The following CHCHD6 variants were observed in gnomAD, a reference collection of about 807,000 sequenced individuals.
CHCHD6 encodes the protein coiled-coil-helix-coiled-coil-helix domain containing 6, also known as MICOS complex subunit MIC25.
In CHCHD6, 28 loss-of-function variants were observed where a neutral mutation model predicts 32.3. The ratio of observed to expected loss-of-function variants is 0.87; its 90% CI spans 0.64 to 1.19. The LOEUF is 1.19. Ranked by LOEUF, CHCHD6 falls within the 50% of genes most tolerant of loss-of-function variation. The pLI, the probability that CHCHD6 is intolerant of heterozygous loss-of-function variation, is 0.00. For synonymous variants in CHCHD6, 122 were observed against 117.5 expected (o/e 1.04, Z -0.25); for missense variants, 333 against 307.0 (o/e 1.08, Z -0.63).
At chr3:126,871,440 A>T (rs996455401) in intron 5 of CHCHD6, among the ~76,000 whole-genome samples, 9 of 152,020 alleles carry the variant, frequency 5.9e-5, no homozygotes, top group African/African-American at 1.9e-4. Context: ...CCACAGCCCC[A>T]CTGAGGCCCT....
chr3:126,810,532 G>T (rs2107531119), intron 4 of CHCHD6, among the ~76,000 whole-genome samples: 1 of 152,292 alleles, frequency 6.6e-6, no homozygotes, highest in Non-Finnish European at 1.5e-5. Context: ...AAAAACTAAT[G>T]AGATCAAAAT....
At chr3:126,941,751 C>T (rs1415592237) in intron 6 of CHCHD6, among the ~76,000 whole-genome samples, 1 of 152,210 alleles carries the variant, frequency 6.6e-6, no homozygotes, top group African/African-American at 2.4e-5. Flanking sequence ...CACCTTTTCT[C>T]TCTAGATGAA....
At chr3:126,753,547 A>G (rs188007536) in intron 4 of CHCHD6, among the ~76,000 whole-genome samples, 6 of 152,348 alleles carry the variant, frequency 3.9e-5, no homozygotes, top group Non-Finnish European at 2.9e-5. Context: ...AAGTGGCATC[A>G]GCAGAGAGTT....
At chr3:126,903,949 G>A (rs1163519814) in intron 5 of CHCHD6, among the ~76,000 whole-genome samples, 1 of 152,176 alleles carries the variant, frequency 6.6e-6, no homozygotes, top group Non-Finnish European at 1.5e-5. Context: ...CAGGCCCTGG[G>A]TCTAGGTAGG....
intron 6 of CHCHD6, among the ~76,000 whole-genome samples, chr3:126,923,729 G>C (rs1044648672): frequency 6.6e-6 from 1 of 152,226 alleles, no homozygotes; most frequent in Non-Finnish European, 1.5e-5. Flanking sequence ...ACTTCTAAAG[G>C]TTGTTTTGAG....
intron 5 of CHCHD6, among the ~76,000 whole-genome samples, chr3:126,858,974 A>T (rs1430608853): frequency 6.6e-6 from 1 of 152,186 alleles, no homozygotes; most frequent in Non-Finnish European, 1.5e-5. Flanking sequence ...AGCCCTGTGC[A>T]TATTCTAGCA....
At chr3:126,868,488 G>A (rs1265496613) in intron 5 of CHCHD6, among the ~76,000 whole-genome samples, 1 of 151,722 alleles carries the variant, frequency 6.6e-6, no homozygotes, top group African/African-American at 2.4e-5. Context: ...AGTAACACAT[G>A]TTCATGTAGG....
chr3:126,777,772 T>TTAAGATA (rs1163402276), intron 4 of CHCHD6, among the ~76,000 whole-genome samples: 1 of 152,256 alleles, frequency 6.6e-6, no homozygotes, highest in Non-Finnish European at 1.5e-5. Context: ...AACAGCTTTA[T>TTAAGATA]TAAGATATAA....
intron 4 of CHCHD6, among the ~76,000 whole-genome samples, chr3:126,751,114 T>G (rs1419962866): frequency 1.3e-5 from 2 of 151,856 alleles, no homozygotes; most frequent in Admixed American, 1.3e-4. Context: ...TTCTTTTGTG[T>G]TCAGGCCTTG....
intron 4 of CHCHD6, among the ~76,000 whole-genome samples, chr3:126,742,249 A>G (rs1936318015): frequency 6.6e-6 from 1 of 152,220 alleles, no homozygotes; most frequent in Non-Finnish European, 1.5e-5. Flanking sequence ...AGCGGTAGCC[A>G]CAGCCCAGGT....
Position 126,890,532 on chromosome 3 carries a change from G to A in CHCHD6, c.496-24148G>A, listed in dbSNP as rs144105510. 2.0e-5 allele frequency among the ~76,000 whole-genome samples: 3 copies of A among 152,304 alleles called. No homozygotes were observed. The East Asian group carries it at 5.8e-4, about 29-fold the overall frequency. ...AGGCCCCTGGGGGACAGAGTCAGGAGGAGAGGTTGGGGATGAGAGTAGGGA... is the reference window on the plus strand; with the variant it reads ...AGGCCCCTGGGGGACAGAGTCAGGAAGAGAGGTTGGGGATGAGAGTAGGGA... On this transcript the variant is annotated intron_variant, in intron 5 of 7. Coordinates refer to ENST00000290913, the MANE Select transcript of CHCHD6 (RefSeq NM_032343.3).
At chr3:126,726,605 G>A (rs1383185988) in intron 1 of CHCHD6, among the ~76,000 whole-genome samples, 1 of 152,206 alleles carries the variant, frequency 6.6e-6, no homozygotes, top group African/African-American at 2.4e-5. Flanking sequence ...GTGATAGAAG[G>A]AGGTACCTGT....
At chr3:126,931,068 G>A (rs775025381) in intron 6 of CHCHD6, among the ~76,000 whole-genome samples, 4 of 152,182 alleles carry the variant, frequency 2.6e-5, no homozygotes, top group South Asian at 4.1e-4. Context: ...TGGGGCGGCC[G>A]GCTCTCTTCC....
chr3:126,933,777 C>T (rs2078438838), intron 6 of CHCHD6, among the ~76,000 whole-genome samples: 1 of 152,216 alleles, frequency 6.6e-6, no homozygotes, highest in South Asian at 2.1e-4. Context: ...ATCAATTCTT[C>T]ATTCACACTT....
At chr3:126,868,121 CCTT>C (rs1178539753) in intron 5 of CHCHD6, among the ~76,000 whole-genome samples, 7 of 152,228 alleles carry the variant, frequency 4.6e-5, no homozygotes, top group Non-Finnish European at 1.0e-4. Context: ...TCCCATTGCC[CCTT>C]CTTTGTAGGG....
At position 126,766,432 on chromosome 3, in the gene CHCHD6, C is replaced by T. The variant is rs1035248513; in HGVS notation, c.411+33210C>T. On this transcript the variant is annotated intron_variant, in intron 4 of 7. Coordinates refer to ENST00000290913, the MANE Select transcript of CHCHD6 (RefSeq NM_032343.3). ...GTAGAGTCGGAGAAGTCTCTGGGAG[C>T]ATCAAAGGGTTTGGCGGTTGTATTC... 9.4e-6 allele frequency: 6 copies of T among 635,540 alleles called. No homozygotes were observed. In the Admixed American group the frequency reaches 1.2e-4, roughly 13 times the overall value. 39.4% of individuals were successfully genotyped at this position (635,540 alleles called of 1,614,324 possible).
At chr3:126,775,133 T>C (rs1261163938) in intron 4 of CHCHD6, among the ~76,000 whole-genome samples, 1 of 152,234 alleles carries the variant, frequency 6.6e-6, no homozygotes, top group Admixed American at 6.5e-5. Flanking sequence ...TTGCAGTGTC[T>C]TATTTTTTGA....
chr3:126,893,728 T>C (rs941341876), intron 5 of CHCHD6, among the ~76,000 whole-genome samples: 2 of 152,190 alleles, frequency 1.3e-5, no homozygotes, highest in Non-Finnish European at 2.9e-5. Flanking sequence ...CATGGCTTGA[T>C]TGGGCCAGAC....
rs529458740 is a variant in CHCHD6, at chr3:126,863,657, C to A, written c.495+10927C>A. 3.4e-3 allele frequency among the ~76,000 whole-genome samples: 473 copies of A among 137,200 alleles called. 3 individuals are homozygous for A. The highest frequency in any genetic ancestry group is 0.014 in the African/African-American group (454 of 32,580). 90.0% of individuals were successfully genotyped at this position (137,200 alleles called of 152,430 possible). ...CCCTCTTCCACCATCACCACCTCCC[C>A]CTCCTCCACCATCACCACCTCCTCC... On this transcript the variant is annotated intron_variant, in intron 5 of 7. Transcript: ENST00000290913.
Sources: gnomAD v4.1 joint callset for allele counts (sites outside exome capture counted in the v4.1 genomes callset) on GRCh38, gnomAD v4.1.1 for gene constraint, MANE v1.5 for transcripts, NCBI Gene and HGNC (gene_info 2026-07-23, HGNC 2026-07-21) for gene names.